Variants in HERC2 observed in about 807,000 individuals in gnomAD.
The protein encoded by HERC2 is E3 ubiquitin-protein ligase HERC2.
HERC2 carries 102 observed loss-of-function variants against 537.7 expected under a neutral mutation model. That is an observed-to-expected ratio of 0.19 (90% CI 0.16 to 0.22). The LOEUF (loss-of-function observed/expected upper bound fraction) is 0.22. Among genes scored for constraint, HERC2 ranks in the 10% least tolerant of loss-of-function variants. The probability of loss-of-function intolerance (pLI) is 1.00; values close to 1 mark genes in which losing one functional copy is unlikely to be tolerated. For missense variants in HERC2, 4,236 were observed against 6,198.2 expected (o/e 0.68, Z 10.63); for synonymous variants, 2,224 against 2,466.2 (o/e 0.90, Z 2.91).
intron 35 of HERC2, among the ~76,000 whole-genome samples, chr15:28,223,829 C>T (rs962967479): frequency 6.6e-6 from 1 of 152,104 alleles, no homozygotes; most frequent in African/African-American, 2.4e-5. Flanking sequence ...AACTTCCTTG[C>T]TTTTTGCAGC....
chr15:28,313,887 C>A (rs960198673), intron 2 of HERC2, among the ~76,000 whole-genome samples: 1 of 152,060 alleles, frequency 6.6e-6, no homozygotes, highest in African/African-American at 2.4e-5. Flanking sequence ...GACTGAGAAG[C>A]AAAACGGAGC....
intron 92 of HERC2, among the ~76,000 whole-genome samples, chr15:28,112,489 C>T (rs370450514): frequency 7.2e-5 from 11 of 152,364 alleles, no homozygotes; most frequent in African/African-American, 2.6e-4. Flanking sequence ...CCCTGAAAGA[C>T]GGCCACTTTT....
chr15:28,313,192 ATT>A (rs57465951), intron 2 of HERC2, among the ~76,000 whole-genome samples: 46 of 95,076 alleles, frequency 4.8e-4, no homozygotes, highest in Middle Eastern at 5.6e-3. Flanking sequence ...CAGTTAAGGC[ATT>A]TTTTTTTTTT....
rs977808913 is a variant in HERC2, at chr15:28,176,832, C to G, written c.9433-64G>C. The G allele has an allele frequency of 1.9e-6, 3 of 1,590,114 alleles. No homozygotes were observed. Among genetic ancestry groups the G allele is most frequent in the South Asian group, 1.1e-5 (1 of 90,416 alleles). On this transcript the variant is annotated intron_variant, in intron 61 of 92. Transcript: ENST00000261609. The surrounding 1 kb of genome is among the most constrained non-coding windows in gnomAD (Gnocchi z 5.0). ...GCACGGAGAAAGCAATGGATTTTCC[C>G]ACAGATAAAGCCAACCATGCACACA...
chr15:28,162,237 C>T (rs1023520342), intron 69 of HERC2, among the ~76,000 whole-genome samples: 3 of 152,184 alleles, frequency 2.0e-5, no homozygotes, highest in African/African-American at 7.2e-5. Flanking sequence ...AGCTGAGGCA[C>T]AAGAATCACC....
rs538430069 is a variant in HERC2 at position 28,218,294 on chromosome 15, C to T, written c.6028+195G>A. ...TCCCCCTCACAGCCCCAGAAGGAACCACCCTTGATCTCAGCCTTCCAGCCG... is the reference window on the plus strand; with the variant it reads ...TCCCCCTCACAGCCCCAGAAGGAACTACCCTTGATCTCAGCCTTCCAGCCG... On this transcript the variant is annotated intron_variant, in intron 38 of 92. Transcript: ENST00000261609. 4.9e-4 allele frequency among the ~76,000 whole-genome samples: 74 copies of T among 152,216 alleles called. No individual in the cohort carries two copies. In the East Asian group the frequency reaches 9.9e-3, roughly 20 times the overall value.
intron 86 of HERC2, chr15:28,117,579 C>T: frequency 4.2e-6 from 2 of 472,794 alleles, no homozygotes; most frequent in Non-Finnish European, 4.2e-6. Flanking sequence ...AGCAGCTCCC[C>T]CAGCAGACCA....
intron 69 of HERC2, among the ~76,000 whole-genome samples, chr15:28,154,161 C>A (rs1247275413): frequency 3.3e-5 from 5 of 152,120 alleles, no homozygotes; most frequent in Non-Finnish European, 7.4e-5. Flanking sequence ...AATCTATTAA[C>A]CCCAACATTT....
chr15:28,235,340 C>A (rs1250904679), intron 26 of HERC2, among the ~76,000 whole-genome samples: 1 of 152,110 alleles, frequency 6.6e-6, no homozygotes, highest in Non-Finnish European at 1.5e-5. Flanking sequence ...GCCCATGGCA[C>A]CCTCTGCCCT....
chr15:28,306,321 A>T (rs529017261), intron 2 of HERC2, among the ~76,000 whole-genome samples: 2 of 152,314 alleles, frequency 1.3e-5, no homozygotes, highest in South Asian at 4.1e-4. Flanking sequence ...CATGAATTTA[A>T]ATGATCATAT....
chr15:28,176,550 G>A lies in HERC2; in HGVS notation c.9564C>T (p.Gly3188=), dbSNP rs753245733. The A allele has an allele frequency of 1.9e-5, 30 of 1,613,900 alleles. No homozygotes were observed. The highest frequency in any genetic ancestry group is 2.3e-5 in the Non-Finnish European group (27 of 1,180,018). ...GGGGAATGTTACAGCCTTCACTTCC[G>A]CCCCGGCCCAGTTTTCCAAAGTCAC... is the stretch of plus-strand genomic sequence containing the variant. The part of the protein sequence containing the change: ...GDGDFGKLGR[G]GSEGCNIPQN... The change falls in exon 63 of 93, where the codon GGC becomes GGT. Residue 3188 remains glycine, a synonymous_variant. Transcript: ENST00000261609. The surrounding 1 kb of genome is among the most constrained non-coding windows in gnomAD (Gnocchi z 5.0).
rs567582750 is a variant in HERC2 at position 28,259,415 on chromosome 15, TC to T, written c.2316+1361del. 4.6e-5 allele frequency among the ~76,000 whole-genome samples: 7 copies of T among 151,942 alleles called. No homozygotes were observed. The South Asian group carries it at 1.5e-3, about 32-fold the overall frequency. ...TGGCGTAAAATCTTTTAGAAAGCAA[TC>T]TCCAGACTCAGATGGGATTCAAAAA... is the stretch of plus-strand genomic sequence containing the variant. On this transcript the variant is annotated intron_variant, in intron 16 of 92. Transcript: ENST00000261609.
chr15:28,122,505 G>A lies in HERC2; in HGVS notation c.13189-1076C>T, dbSNP rs965281171. Among the ~76,000 whole-genome samples the A allele has an allele frequency of 5.2e-4, 79 of 152,072 alleles. 3 individuals are homozygous for A. The highest frequency in any genetic ancestry group is 6.5e-5 in the Admixed American group (1 of 15,272). ...GGAGACCCAGAAAGGGTATCCTGGCGGCACCCCAGCCCCATGCCTCTCGCA... is the reference window on the plus strand; with the variant it reads ...GGAGACCCAGAAAGGGTATCCTGGCAGCACCCCAGCCCCATGCCTCTCGCA... On this transcript the variant is annotated intron_variant, in intron 85 of 92. Coordinates refer to ENST00000261609, the MANE Select transcript of HERC2 (RefSeq NM_004667.6). The surrounding 1 kb of genome is among the most constrained non-coding windows in gnomAD (Gnocchi z 4.1).
chr15:28,216,235 G>A (rs1186434381), intron 38 of HERC2, among the ~76,000 whole-genome samples: 2 of 151,988 alleles, frequency 1.3e-5, no homozygotes, highest in Admixed American at 1.3e-4. Flanking sequence ...CTTTGCAACA[G>A]TGCATCTATT....
In HERC2 at chr15:28,169,751, G is replaced by A. The variant is rs979464344; in HGVS notation, c.10058-96C>T. On this transcript the variant is annotated intron_variant, in intron 65 of 92. Coordinates refer to ENST00000261609, the MANE Select transcript of HERC2 (RefSeq NM_004667.6). The stretch of plus-strand genomic sequence containing the variant: ...TTACAGGTTAGTTCCAAAACACACT[G>A]CAATCTGCATTTTGCTATTTCACAA... The A allele has an allele frequency of 3.9e-5, 44 of 1,137,004 alleles. No individual in the cohort carries two copies. The African/African-American group carries it at 6.6e-4, about 17-fold the overall frequency. The allele number at this position is 1,137,004 out of a possible 1,614,324, so 70.4% of individuals were successfully genotyped here.
chr15:28,142,165 T>C (rs1891291484), intron 76 of HERC2, 73 bp downstream of exon 76: 7 of 1,514,308 alleles, frequency 4.6e-6, no homozygotes, highest in South Asian at 3.9e-5. Context: ...TCTCGTAATA[T>C]TGGCATCTTG....
intron 69 of HERC2, among the ~76,000 whole-genome samples, chr15:28,158,570 T>C (rs190253138): frequency 1.7e-3 from 255 of 152,320 alleles, no homozygotes; most frequent in African/African-American, 5.9e-3. Context: ...CCTGCCTTTT[T>C]TTGTTTTCCA....
rs1336814505 is a variant in HERC2, at chr15:28,215,019, C to T, written c.6211-217G>A. 3.9e-5 allele frequency among the ~76,000 whole-genome samples: 6 copies of T among 152,250 alleles called. No individual in the cohort carries two copies. In the South Asian group the frequency reaches 6.2e-4, roughly 16 times the overall value. On this transcript the variant is annotated intron_variant, in intron 39 of 92. Transcript: ENST00000261609. ...CTTCCTGAGTAGCAGGGATTACAGG[C>T]ACCCACCACCAAGCCCGGCTCATTT...
chr15:28,130,847 C>A (rs1458744793), intron 81 of HERC2, among the ~76,000 whole-genome samples: 1 of 152,220 alleles, frequency 6.6e-6, no homozygotes, highest in Non-Finnish European at 1.5e-5. Context: ...GAAATGGGAG[C>A]TTTGCAGGTG....
Sources: gnomAD v4.1 joint callset for allele counts (sites outside exome capture counted in the v4.1 genomes callset) on GRCh38, gnomAD v4.1.1 for gene constraint, Gnocchi (gnomAD v3.1) non-coding constraint, MANE v1.5 for transcripts, NCBI Gene and HGNC (gene_info 2026-07-23, HGNC 2026-07-21) for gene names.